Variants in GMEB1 observed in about 807,000 individuals in gnomAD.
GMEB1 encodes the protein glucocorticoid modulatory element-binding protein 1.
Under a neutral mutation model 52.4 loss-of-function variants are expected in GMEB1, and 6 were observed. The observed-to-expected ratio is 0.11, with a 90% CI of 0.06 to 0.23. The LOEUF (loss-of-function observed/expected upper bound fraction) is 0.23, where lower values mean the gene tolerates loss of function less well. Among genes scored for constraint, GMEB1 ranks in the 10% least tolerant of loss-of-function variants. The pLI, the probability that GMEB1 is intolerant of heterozygous loss-of-function variation, is 1.00. For synonymous variants in GMEB1, 255 were observed against 244.9 expected, an observed-to-expected ratio of 1.04 and a Z score of -0.38; for missense variants, 486 against 685.6, an observed-to-expected ratio of 0.71 and a Z score of 3.25.
intron 1 of GMEB1, among the ~76,000 whole-genome samples, chr1:28,680,675 T>G (rs1234939899): frequency 6.6e-6 from 1 of 150,994 alleles, no homozygotes; most frequent in Non-Finnish European, 1.5e-5. Context: ...AGGGAGGTGG[T>G]AGTGAGCTGA....
rs947520275 is a variant in GMEB1, at chr1:28,683,819, T to G, written c.128+79T>G. ...GGGGAAATTATAACTTTATGGTTGCTTAGCACAATGGAACATTTAACATCA... is the reference window on the plus strand; with the variant it reads ...GGGGAAATTATAACTTTATGGTTGCGTAGCACAATGGAACATTTAACATCA... On this transcript the variant is annotated intron_variant, in intron 2 of 9. Coordinates refer to ENST00000373816, the MANE Select transcript of GMEB1 (RefSeq NM_001319674.2). The G allele has an allele frequency of 2.0e-5, 27 of 1,357,754 alleles. No homozygotes were observed. In the African/African-American group the frequency reaches 3.6e-4, roughly 18 times the overall value. The allele number at this position is 1,357,754 out of a possible 1,614,324, so 84.1% of individuals were successfully genotyped here. A position where few individuals can be genotyped will look rare whatever the true frequency, so the allele number is the denominator to read the frequency against.
At chr1:28,669,040 G>T (rs1049001915) in intron 1 of GMEB1, among the ~76,000 whole-genome samples, 1 of 145,994 alleles carries the variant, frequency 6.8e-6, no homozygotes, top group Admixed American at 6.8e-5. Flanking sequence ...GCCGCGGGGG[G>T]GTGGGGGGAC....
chr1:28,714,891 ATCTTATTGTTGT>A lies in GMEB1; in HGVS notation c.*119_*130del. The A allele has an allele frequency of 1.3e-6, 1 of 745,034 alleles. No homozygotes were observed. The highest frequency in any genetic ancestry group is 2.1e-6 in the Non-Finnish European group (1 of 470,078). 46.2% of individuals were successfully genotyped at this position (745,034 alleles called of 1,614,324 possible). On this transcript the variant is annotated 3_prime_UTR_variant, in exon 10 of 10. Coordinates refer to ENST00000373816, the MANE Select transcript of GMEB1 (RefSeq NM_001319674.2). ...CCTTTTTTAAAAAAAAAAAAACAAA[ATCTTATTGTTGT>A]AACTGAAAATGTTGGGTTCTTCCCA... is the stretch of plus-strand genomic sequence containing the variant.
chr1:28,693,522 TTTG>T (rs2124520372), intron 5 of GMEB1, among the ~76,000 whole-genome samples: 1 of 151,094 alleles, frequency 6.6e-6, no homozygotes, highest in East Asian at 2.0e-4. Context: ...CAGCCTCTTG[TTTG>T]TTTGTTTTTG....
intron 1 of GMEB1, among the ~76,000 whole-genome samples, chr1:28,669,079 G>A (rs956994207): frequency 2.7e-5 from 4 of 147,690 alleles, no homozygotes; most frequent in Admixed American, 1.3e-4. Flanking sequence ...CGAGCCGCCG[G>A]GCCGCCCCCA....
At chr1:28,682,250 T>C (rs1450775364) in intron 1 of GMEB1, among the ~76,000 whole-genome samples, 1 of 152,114 alleles carries the variant, frequency 6.6e-6, no homozygotes, top group African/African-American at 2.4e-5. Flanking sequence ...CACATGGTGC[T>C]GGACGTTGGT....
At chr1:28,687,323 G>A (rs535202718) in intron 2 of GMEB1, among the ~76,000 whole-genome samples, 4 of 121,430 alleles carry the variant, frequency 3.3e-5, no homozygotes, top group Non-Finnish European at 6.4e-5. Context: ...GCAACAGAAT[G>A]AGACCCTATC....
chr1:28,669,236 G>A (rs1262185077), intron 1 of GMEB1, among the ~76,000 whole-genome samples: 2 of 151,754 alleles, frequency 1.3e-5, no homozygotes, highest in African/African-American at 2.4e-5. Flanking sequence ...GAGTGACTCC[G>A]GACTGAGAGG....
intron 5 of GMEB1, among the ~76,000 whole-genome samples, chr1:28,694,335 C>A (rs561034736): frequency 1.7e-4 from 25 of 149,624 alleles, no homozygotes; most frequent in Non-Finnish European, 3.0e-5. Flanking sequence ...GGACTACAGG[C>A]GCGTGCCACC....
At chr1:28,698,853 G>A (rs375068344) in intron 6 of GMEB1, among the ~76,000 whole-genome samples, 13 of 151,822 alleles carry the variant, frequency 8.6e-5, no homozygotes, top group East Asian at 5.8e-4. Context: ...GTGTGGTGGC[G>A]CATGCCTGTA....
chr1:28,700,118 G>A (rs572046878), intron 6 of GMEB1, among the ~76,000 whole-genome samples: 4 of 148,076 alleles, frequency 2.7e-5, no homozygotes, highest in Admixed American at 6.8e-5. Context: ...GCCTATAATC[G>A]CAGCACTTTG....
rs1319753146 is a variant in GMEB1 at position 28,687,373 on chromosome 1, C to CAA, written c.129-2730_129-2729insAA. Among the ~76,000 whole-genome samples, 8 of 23,924 alleles carry CAA rather than the reference C, an allele frequency of 3.3e-4. 1 individual carries two copies. Among genetic ancestry groups the CAA allele is most frequent in the African/African-American group, 1.3e-3 (6 of 4,496 alleles). 15.7% of individuals were successfully genotyped at this position (23,924 alleles called of 152,430 possible). On this transcript the variant is annotated intron_variant, in intron 2 of 9. Transcript: ENST00000373816. The stretch of plus-strand genomic sequence containing the variant: ...ACACACACACACACACACACACACA[C>CAA]ACACACACACACACAAAAAAAGACA...
At position 28,716,301 on chromosome 1, in the gene GMEB1, T is replaced by C. The variant is rs1032370996; in HGVS notation, c.*1528T>C. 2 of 152,168 alleles carry C rather than the reference T, an allele frequency of 1.3e-5. No individual in the cohort carries two copies. Among genetic ancestry groups the C allele is most frequent in the African/African-American group, 2.4e-5 (1 of 41,444 alleles). 9.4% of individuals were successfully genotyped at this position (152,168 alleles called of 1,614,324 possible). A position where few individuals can be genotyped will look rare whatever the true frequency, so the allele number is the denominator to read the frequency against. On this transcript the variant is annotated 3_prime_UTR_variant, in exon 10 of 10. Transcript: ENST00000373816. ...TCACAGGGATGGGGCTCCAAGGCCATCATTTTCATTGCATGGCTCCAAGAG... is the reference window on the plus strand; with the variant it reads ...TCACAGGGATGGGGCTCCAAGGCCACCATTTTCATTGCATGGCTCCAAGAG...
chr1:28,708,256 C>G (rs1219398646), intron 8 of GMEB1, among the ~76,000 whole-genome samples: 2 of 150,710 alleles, frequency 1.3e-5, no homozygotes, highest in Non-Finnish European at 3.0e-5. Flanking sequence ...GCTCCACCTC[C>G]CAGGTTCACA....
intron 1 of GMEB1, 21 bp downstream of exon 1, chr1:28,668,860 G>A (rs1468599650): frequency 6.9e-6 from 1 of 144,024 alleles, no homozygotes; most frequent in Non-Finnish European, 1.5e-5. Context: ...GGAGGGGTGG[G>A]CGCGCGGGCG....
intron 9 of GMEB1, among the ~76,000 whole-genome samples, chr1:28,711,754 C>T (rs1671071103): frequency 6.6e-6 from 1 of 152,116 alleles, no homozygotes; most frequent in South Asian, 2.1e-4. Context: ...TGTGCTCAGC[C>T]CTATTAGTAT....
rs1671291138 is a variant in GMEB1 at position 28,716,955 on chromosome 1, G to C, written c.*2182G>C. 6.6e-6 allele frequency: 1 copy of C among 151,262 alleles called. No homozygotes were observed. The highest frequency in any genetic ancestry group is 2.4e-5 in the African/African-American group (1 of 41,180). 9.4% of individuals were successfully genotyped at this position (151,262 alleles called of 1,614,324 possible). On this transcript the variant is annotated 3_prime_UTR_variant, in exon 10 of 10. Transcript: ENST00000373816. Reference sequence around the variant, plus strand: ...CTACAGACAAATTTAAGGAAAAATAGGTCAAAAAAGAAAGCACACACCTTA... The same window carrying C: ...CTACAGACAAATTTAAGGAAAAATACGTCAAAAAAGAAAGCACACACCTTA...
chr1:28,698,674 C>A (rs974324905), intron 6 of GMEB1, among the ~76,000 whole-genome samples: 79 of 120,776 alleles, frequency 6.5e-4, no homozygotes, highest in South Asian at 7.6e-4. Flanking sequence ...GACTCCATCT[C>A]AAAAAAAAAA....
At chr1:28,701,832 T>G (rs906101721) in intron 6 of GMEB1, among the ~76,000 whole-genome samples, 13 of 152,156 alleles carry the variant, frequency 8.5e-5, no homozygotes, top group Admixed American at 5.9e-4. Flanking sequence ...AGTGCTAGGA[T>G]TACAGGCATG....
Sources: gnomAD v4.1 joint callset for allele counts (sites outside exome capture counted in the v4.1 genomes callset) on GRCh38, gnomAD v4.1.1 for gene constraint, MANE v1.5 for transcripts, NCBI Gene and HGNC (gene_info 2026-07-23, HGNC 2026-07-21) for gene names.